Variants in LURAP1 observed in about 807,000 individuals in gnomAD.
The protein encoded by LURAP1 is NF-kappa-B activator C1orf190.
LURAP1 carries 14 observed loss-of-function variants against 19.0 expected under a neutral mutation model. That is an observed-to-expected ratio of 0.74 (90% confidence interval 0.49 to 1.15). The LOEUF (loss-of-function observed/expected upper bound fraction) is 1.15, where lower values mean the gene tolerates loss of function less well. Among genes scored for constraint, LURAP1 ranks in the 50% most tolerant of loss-of-function variants. The pLI is 0.00. For missense variants in LURAP1, 273 were observed against 309.1 expected (o/e 0.88, Z 0.87); for synonymous variants, 129 against 131.8 (o/e 0.98, Z 0.14).
Position 46,220,283 on chromosome 1 carries a change from A to G in LURAP1, c.*63A>G. ...ATCCATTAGATGTGGTCTCCCCCAA[A>G]ATTGATTCTCCCTCAGTCTGAGACT... On this transcript the variant is annotated 3_prime_UTR_variant, in exon 2 of 2. Transcript: ENST00000371980. 6.7e-7 allele frequency: 1 copy of G among 1,494,554 alleles called. No homozygotes were observed. Among genetic ancestry groups the G allele is most frequent in the Non-Finnish European group, 9.0e-7 (1 of 1,116,184 alleles). The allele number at this position is 1,494,554 out of a possible 1,614,324, so 92.6% of individuals were successfully genotyped here.
Position 46,220,246 on chromosome 1 carries a change from T to C in LURAP1, c.*26T>C. The C allele has an allele frequency of 6.4e-7, 1 of 1,568,138 alleles. No individual in the cohort carries two copies. The highest frequency in any genetic ancestry group is 8.6e-7 in the Non-Finnish European group (1 of 1,157,216). On this transcript the variant is annotated 3_prime_UTR_variant, in exon 2 of 2. Transcript: ENST00000371980. Reference sequence around the variant, plus strand: ...CAACTATTCCACCCTTTTGTAATCCTGTGGCTCTTTTATCCATTAGATGTG... The same window carrying C: ...CAACTATTCCACCCTTTTGTAATCCCGTGGCTCTTTTATCCATTAGATGTG...
intron 1 of LURAP1, among the ~76,000 whole-genome samples, chr1:46,214,887 AG>A (rs1365133097): frequency 1.3e-5 from 2 of 149,252 alleles, no homozygotes; most frequent in African/African-American, 2.5e-5. Context: ...AAAAAAAAAA[AG>A]AGGAGTTGAT....
chr1:46,213,456 TA>T (rs1390649227), intron 1 of LURAP1, among the ~76,000 whole-genome samples: 1 of 151,824 alleles, frequency 6.6e-6, no homozygotes, highest in Non-Finnish European at 1.5e-5. Flanking sequence ...TCTCTAAGCA[TA>T]TCCCCATTGT....
intron 1 of LURAP1, among the ~76,000 whole-genome samples, chr1:46,205,472 G>A (rs2148236367): frequency 6.6e-6 from 1 of 152,266 alleles, no homozygotes; most frequent in Middle Eastern, 3.4e-3. Context: ...TTATGTCATT[G>A]AAATGAGAAA....
intron 1 of LURAP1, among the ~76,000 whole-genome samples, chr1:46,216,312 C>T (rs1308112629): frequency 1.3e-5 from 2 of 151,928 alleles, no homozygotes; most frequent in African/African-American, 4.8e-5. Flanking sequence ...TCCCAAAGTG[C>T]TGGGATTACA....
intron 1 of LURAP1, among the ~76,000 whole-genome samples, chr1:46,204,683 G>A (rs570477335): frequency 6.6e-6 from 1 of 152,322 alleles, no homozygotes; most frequent in Non-Finnish European, 1.5e-5. Flanking sequence ...AGGCCCCCTG[G>A]GAGAAGGACT....
chr1:46,203,653 A>C, intron 1 of LURAP1, 29 bp downstream of exon 1: 3 of 1,590,402 alleles, frequency 1.9e-6, no homozygotes, highest in Non-Finnish European at 8.5e-7. Context: ...GGCCAAGGGG[A>C]CGAGTCCCTA....
chr1:46,214,577 TTGA>T (rs1659005967), intron 1 of LURAP1, among the ~76,000 whole-genome samples: 1 of 147,156 alleles, frequency 6.8e-6, no homozygotes, highest in Non-Finnish European at 1.5e-5. Flanking sequence ...AACCAAAGAG[TTGA>T]TAATAGGCCA....
chr1:46,208,993 C>T (rs984614286), intron 1 of LURAP1, among the ~76,000 whole-genome samples: 6 of 152,126 alleles, frequency 3.9e-5, no homozygotes, highest in Non-Finnish European at 7.3e-5. Flanking sequence ...TGCTCAGTCC[C>T]GAGCCAGCAG....
chr1:46,210,959 T>G (rs1042077243), intron 1 of LURAP1, among the ~76,000 whole-genome samples: 1 of 150,852 alleles, frequency 6.6e-6, no homozygotes, highest in African/African-American at 2.4e-5. Context: ...TTTTTTTTTT[T>G]GGTAGAGACA....
intron 1 of LURAP1, among the ~76,000 whole-genome samples, chr1:46,208,841 A>G (rs1658805268): frequency 6.6e-6 from 1 of 152,134 alleles, no homozygotes; most frequent in African/African-American, 2.4e-5. Context: ...ACTCTGTCTC[A>G]AAAAGAGAAA....
chr1:46,205,568 C>T (rs1658686082), intron 1 of LURAP1, among the ~76,000 whole-genome samples: 1 of 152,218 alleles, frequency 6.6e-6, no homozygotes. Flanking sequence ...GAGCCACGCC[C>T]AGTCTCTGGC....
intron 1 of LURAP1, among the ~76,000 whole-genome samples, chr1:46,206,462 A>G (rs1433580960): frequency 1.3e-5 from 2 of 152,128 alleles, no homozygotes; most frequent in Non-Finnish European, 2.9e-5. Flanking sequence ...TCTGGTATGT[A>G]GATGTTAAGG....
At chr1:46,219,589 C>A in intron 1 of LURAP1, 110 bp from the exon 2 acceptor site, 2 of 1,202,640 alleles carry the variant, frequency 1.7e-6, no homozygotes, top group Non-Finnish European at 2.3e-6. Context: ...ATAATTCCAT[C>A]CGTCTTAAAG....
intron 1 of LURAP1, among the ~76,000 whole-genome samples, chr1:46,207,568 T>C (rs1658758223): frequency 6.6e-6 from 1 of 151,100 alleles, no homozygotes; most frequent in African/African-American, 2.4e-5. Flanking sequence ...AGATGGAGTC[T>C]CGCTCTGTCG....
intron 1 of LURAP1, among the ~76,000 whole-genome samples, chr1:46,213,800 A>G (rs1407753878): frequency 2.0e-5 from 3 of 152,042 alleles, no homozygotes; most frequent in Non-Finnish European, 1.5e-5. Context: ...GGATACTGAC[A>G]GCCTTGCTTA....
intron 1 of LURAP1, among the ~76,000 whole-genome samples, chr1:46,216,051 T>C (rs1168360625): frequency 7.4e-6 from 1 of 134,968 alleles, no homozygotes; most frequent in African/African-American, 2.7e-5. Context: ...ATCTTTTTTT[T>C]TTTTTTTTTT....
At chr1:46,216,622 A>C (rs1234411965) in intron 1 of LURAP1, among the ~76,000 whole-genome samples, 1 of 152,156 alleles carries the variant, frequency 6.6e-6, no homozygotes, top group Admixed American at 6.6e-5. Context: ...AATTACAGGC[A>C]AGAGCCACCA....
rs772806258 is a variant in LURAP1 at position 46,219,699 on chromosome 1, G to A, written c.199G>A (p.Ala67Thr). The change falls in exon 2 of 2, where the codon GCT (alanine) becomes ACT (threonine). Residue 67 changes from alanine (A) to threonine (T), a missense_variant and splice_region_variant. Coordinates refer to ENST00000371980, the MANE Select transcript of LURAP1 (RefSeq NM_001013615.3). ...CTAATTCCTTCTCCCACTCCCCCAG[G>A]CTTACCTGCGAGCCATCGATGTGAA... is the stretch of plus-strand genomic sequence containing the variant. ...DKIMALKMEL[A>T]YLRAIDVKIL... The A allele has an allele frequency of 1.3e-5, 21 of 1,580,904 alleles. No individual in the cohort carries two copies. Among genetic ancestry groups the A allele is most frequent in the Non-Finnish European group, 1.8e-5 (21 of 1,162,378 alleles).
Sources: allele counts gnomAD v4.1 joint callset (sites outside exome capture counted in the v4.1 genomes callset), GRCh38; gene constraint gnomAD v4.1.1; transcripts MANE v1.5; gene names NCBI Gene and HGNC (gene_info 2026-07-23, HGNC 2026-07-21).